The following ZIM2 variants were observed in gnomAD, a reference collection of about 807,000 sequenced individuals.
ZIM2 encodes the protein zinc finger imprinted 2.
ZIM2 carries 14 observed loss-of-function variants against 38.6 expected under a neutral mutation model. The ratio of observed to expected loss-of-function variants is 0.36; its 90% CI spans 0.24 to 0.57. The LOEUF is 0.57. Ranked by LOEUF, ZIM2 falls within the 20% of genes least tolerant of loss-of-function variation. The pLI is 0.81. For missense variants in ZIM2, 680 were observed against 695.1 expected, an observed-to-expected ratio of 0.98 and a Z score of 0.24; for synonymous variants, 247 against 245.8, an observed-to-expected ratio of 1.00 and a Z score of -0.04.
chr19:56,839,607 C>T (rs1003491856), intron 1 of ZIM2, among the ~76,000 whole-genome samples: 1 of 152,218 alleles, frequency 6.6e-6, no homozygotes, highest in Admixed American at 6.5e-5. Context: ...CTTGCCCCGC[C>T]CCACTTGCCG....
intron 6 of ZIM2, 54 bp from the exon 7 acceptor site, chr19:56,821,808 C>T (rs949635621): frequency 7.4e-5 from 119 of 1,597,816 alleles, no homozygotes; most frequent in Admixed American, 1.7e-5. Context: ...TCCTGCAGGT[C>T]CCAGGTTTGT....
At chr19:56,832,844 C>T (rs1251755631) in intron 2 of ZIM2, among the ~76,000 whole-genome samples, 2 of 152,252 alleles carry the variant, frequency 1.3e-5, no homozygotes, top group South Asian at 2.1e-4. Context: ...GCGCTGCCTG[C>T]TGCATGACAG....
chr19:56,838,694 ACT>A (rs2062522121), intron 1 of ZIM2, among the ~76,000 whole-genome samples: 1 of 152,044 alleles, frequency 6.6e-6, no homozygotes, highest in South Asian at 2.1e-4. Context: ...GCTAAGGCAA[ACT>A]CTTTAGGCAC....
rs369228139 is a variant in ZIM2 at position 56,807,621 on chromosome 19, T to C, written c.490+10125A>G. 3.4e-3 allele frequency among the ~76,000 whole-genome samples: 521 copies of C among 152,134 alleles called. 3 individuals carry two copies. Among genetic ancestry groups the C allele is most frequent in the Middle Eastern group, 0.024 (7 of 294 alleles). Reference sequence around the variant, plus strand: ...CCCTGGGCACCATATTGAGATCCTGTCTCTACAAAAAATTAAAAAATTGGC... The same window carrying C: ...CCCTGGGCACCATATTGAGATCCTGCCTCTACAAAAAATTAAAAAATTGGC... On this transcript the variant is annotated intron_variant, in intron 9 of 12. Transcript: ENST00000629319.
intron 6 of ZIM2, 84 bp from the exon 7 acceptor site, chr19:56,821,838 A>G: frequency 6.8e-7 from 1 of 1,462,348 alleles, no homozygotes; most frequent in Admixed American, 1.7e-5. Context: ...CTATGAAGCC[A>G]GCTGGGGTGT....
At chr19:56,813,375 T>C in intron 9 of ZIM2, 3 of 1,173,878 alleles carry the variant, frequency 2.6e-6, no homozygotes, top group Non-Finnish European at 3.2e-6. Context: ...TACAGTTGAT[T>C]TGGGCAAACT....
Position 56,782,027 on chromosome 19 carries a change from C to T in ZIM2, c.665G>A (p.Ser222Asn). The change falls in exon 11 of 13, where the codon AGT (serine) becomes AAT (asparagine). Residue 222 changes from serine to asparagine, a missense_variant. Ser to Asn is a conservative substitution (Grantham distance 46). Transcript: ENST00000629319. ...VLVDFSPEELSSLSAAQRNLY... is the reference protein window; with the variant it reads ...VLVDFSPEELNSLSAAQRNLY... Reference sequence around the variant, plus strand: ...GTTTCTCTGAGCAGCACTAAGGGAACTAAGTTCCTCTGGGCTGAAGTCCAC... The same window carrying T: ...GTTTCTCTGAGCAGCACTAAGGGAATTAAGTTCCTCTGGGCTGAAGTCCAC... The T allele has an allele frequency of 6.2e-7, 1 of 1,614,026 alleles. No individual in the cohort carries two copies. The highest frequency in any genetic ancestry group is 8.5e-7 in the Non-Finnish European group (1 of 1,179,924).
chr19:56,817,296 A>G (rs1176325038), intron 9 of ZIM2: 1 of 1,614,176 alleles, frequency 6.2e-7, no homozygotes. Flanking sequence ...TCTTTCTGGA[A>G]ACAAGGGTTG....
chr19:56,838,110 A>G lies in ZIM2; in HGVS notation c.-313-2006T>C, dbSNP rs571668533. 2.6e-5 allele frequency among the ~76,000 whole-genome samples: 4 copies of G among 152,350 alleles called. No homozygotes were observed. The South Asian group carries it at 6.2e-4, about 24-fold the overall frequency. On this transcript the variant is annotated intron_variant, in intron 1 of 12. Coordinates refer to ENST00000629319, the MANE Select transcript of ZIM2 (RefSeq NM_001387356.1). Reference sequence around the variant, plus strand: ...TAATGGCCAGCAAAGATGATGCCACAGAGTGGGCGGGGCCATGCAGACCCC... The same window carrying G: ...TAATGGCCAGCAAAGATGATGCCACGGAGTGGGCGGGGCCATGCAGACCCC...
intron 10 of ZIM2, among the ~76,000 whole-genome samples, chr19:56,788,667 T>G (rs2046763706): frequency 6.6e-6 from 1 of 152,182 alleles, no homozygotes; most frequent in South Asian, 2.1e-4. Flanking sequence ...TGGTGGTCTC[T>G]GTATTTCCTG....
At chr19:56,817,174 C>T in intron 9 of ZIM2, 1 of 1,614,214 alleles carries the variant, frequency 6.2e-7, no homozygotes, top group Non-Finnish European at 8.5e-7. Context: ...CATGGCTTTT[C>T]TCATCTCACT....
chr19:56,817,913 C>CT, intron 8 of ZIM2, 75 bp from the exon 9 acceptor site: 1 of 1,172,378 alleles, frequency 8.5e-7, no homozygotes, highest in East Asian at 2.4e-5. Context: ...TGATCTTCAT[C>CT]TTTCACTGAG....
At chr19:56,813,164 T>G in intron 9 of ZIM2, 1 of 980,852 alleles carries the variant, frequency 1.0e-6, no homozygotes, top group Non-Finnish European at 1.2e-6. Flanking sequence ...CTAAGACACT[T>G]AAAAATATAA....
intron 2 of ZIM2, among the ~76,000 whole-genome samples, chr19:56,829,385 C>A (rs2061370576): frequency 1.3e-5 from 2 of 150,638 alleles, no homozygotes; most frequent in Admixed American, 6.6e-5. Flanking sequence ...TATGGTTTAA[C>A]CTTTGTATGT....
chr19:56,818,805 G>A (rs2060214782), intron 7 of ZIM2, 103 bp from the exon 8 acceptor site: 3 of 1,333,902 alleles, frequency 2.2e-6, no homozygotes, highest in South Asian at 2.5e-5. Flanking sequence ...AAGTTATATA[G>A]GAAGTGCTCA....
chr19:56,815,616 A>G (rs1190777703), intron 9 of ZIM2: 7 of 1,614,052 alleles, frequency 4.3e-6, no homozygotes, highest in Non-Finnish European at 5.9e-6. Flanking sequence ...TCCTATGCTC[A>G]ATGTATTTCT....
At chr19:56,822,606 T>C (rs2060607672) in intron 6 of ZIM2, 147 bp downstream of exon 6, 1 of 1,092,520 alleles carries the variant, frequency 9.2e-7, no homozygotes, top group Non-Finnish European at 1.3e-6. Context: ...ACTTCAAAAA[T>C]ACGAGCCTTG....
intron 9 of ZIM2, among the ~76,000 whole-genome samples, chr19:56,809,168 G>T (rs949836885): frequency 3.3e-5 from 5 of 152,014 alleles, no homozygotes; most frequent in Non-Finnish European, 7.4e-5. Flanking sequence ...TCCTTAAAAA[G>T]TCCCAATCCT....
intron 9 of ZIM2, among the ~76,000 whole-genome samples, chr19:56,802,500 T>C (rs1469797767): frequency 1.3e-5 from 2 of 152,130 alleles, no homozygotes; most frequent in African/African-American, 4.8e-5. Flanking sequence ...AGAAATCAAA[T>C]GGAAAATACC....
Sources: allele counts gnomAD v4.1 joint callset (sites outside exome capture counted in the v4.1 genomes callset), GRCh38; gene constraint gnomAD v4.1.1; transcripts MANE v1.5; gene names NCBI Gene and HGNC (gene_info 2026-07-23, HGNC 2026-07-21).